The following SORBS2 variants were observed in gnomAD, a reference collection of about 807,000 sequenced individuals.
SORBS2 encodes sorbin and SH3 domain-containing protein 2.
Under a neutral mutation model 97.7 loss-of-function variants are expected in SORBS2, and 46 were observed. That is an observed-to-expected ratio of 0.47 (90% CI 0.37 to 0.60). The LOEUF (loss-of-function observed/expected upper bound fraction) is 0.60. SORBS2 is among the 20% of genes least tolerant of loss of function. The pLI, the probability that SORBS2 is intolerant of heterozygous loss-of-function variation, is 0.00. For missense variants in SORBS2, 1,316 were observed against 1,282.3 expected (o/e 1.03, Z -0.40); for synonymous variants, 476 against 473.4 (o/e 1.01, Z -0.07).
intron 1 of SORBS2, among the ~76,000 whole-genome samples, chr4:185,819,886 G>A (rs1450813279): frequency 6.6e-6 from 1 of 152,054 alleles, no homozygotes; most frequent in Non-Finnish European, 1.5e-5. Flanking sequence ...TAAATGGTGT[G>A]GATTCAAATA....
chr4:185,793,149 TG>T (rs1300433184), intron 1 of SORBS2, among the ~76,000 whole-genome samples: 1 of 152,254 alleles, frequency 6.6e-6, no homozygotes, highest in Non-Finnish European at 1.5e-5. Context: ...TACCATGTGA[TG>T]TGAAGACTCA....
intron 12 of SORBS2, among the ~76,000 whole-genome samples, chr4:185,608,484 A>T (rs1229893823): frequency 7.0e-6 from 1 of 143,048 alleles, no homozygotes; most frequent in African/African-American, 2.7e-5. Flanking sequence ...GGTATGAGTT[A>T]TGAAGCTTAA....
At position 185,604,199 on chromosome 4, in the gene SORBS2, A is replaced by C. The variant is rs1214530514; in HGVS notation, c.2796+7581T>G. On this transcript the variant is annotated intron_variant, in intron 12 of 14. Coordinates refer to ENST00000418609, the Ensembl canonical transcript of SORBS2. ...ATATGTCTTTTAAATGTTTGGATAG[A>C]GGCCACGCCCATGATGTTAAAAGTT... Among the ~76,000 whole-genome samples the C allele has an allele frequency of 2.0e-5, 3 of 152,260 alleles. No individual in the cohort carries two copies. In the South Asian group the frequency reaches 6.2e-4, roughly 32 times the overall value.
chr4:185,865,207 G>A (rs2099226158), intron 1 of SORBS2, among the ~76,000 whole-genome samples: 1 of 152,164 alleles, frequency 6.6e-6, no homozygotes, highest in Non-Finnish European at 1.5e-5. Context: ...GTTCACATAA[G>A]TTTAGTTATC....
chr4:185,747,581 C>T (rs1018245982), intron 2 of SORBS2, among the ~76,000 whole-genome samples: 9 of 152,200 alleles, frequency 5.9e-5, no homozygotes, highest in Non-Finnish European at 1.3e-4. Flanking sequence ...AGGACACCAC[C>T]GTCACTGGTC....
chr4:185,770,037 T>C (rs1360864039), intron 2 of SORBS2, among the ~76,000 whole-genome samples: 1 of 151,988 alleles, frequency 6.6e-6, no homozygotes, highest in Non-Finnish European at 1.5e-5. Flanking sequence ...TGACAGATCA[T>C]GAAGCGGGTC....
At chr4:185,611,198 C>A (rs905163262) in intron 12 of SORBS2, among the ~76,000 whole-genome samples, 1 of 152,020 alleles carries the variant, frequency 6.6e-6, no homozygotes, top group Non-Finnish European at 1.5e-5. Context: ...GACTTATAGA[C>A]TCTAATTAAA....
At chr4:185,906,691 C>T (rs1199749634) in intron 1 of SORBS2, among the ~76,000 whole-genome samples, 1 of 152,168 alleles carries the variant, frequency 6.6e-6, no homozygotes, top group Non-Finnish European at 1.5e-5. Flanking sequence ...ATACGTATCT[C>T]GGACTATATG....
In SORBS2 at chr4:185,656,521, G is replaced by A. The variant is rs1010787156; in HGVS notation, c.24+94C>T. 3 of 797,268 alleles carry A rather than the reference G, an allele frequency of 3.8e-6. No homozygotes were observed. In the Admixed American group the frequency reaches 7.8e-5, roughly 21 times the overall value. The allele number at this position is 797,268 out of a possible 1,614,324, so 49.4% of individuals were successfully genotyped here. A position where few individuals can be genotyped will look rare whatever the true frequency, so the allele number is the denominator to read the frequency against. ...CTTGGCTGCCCAGGTCTGCATTCCA[G>A]GGGAGCAGCTCTTGGCCACACCCCA... is the stretch of plus-strand genomic sequence containing the variant. On this transcript the variant is annotated intron_variant, in intron 1 of 14. Transcript: ENST00000418609.
intron 1 of SORBS2, among the ~76,000 whole-genome samples, chr4:185,822,480 C>G (rs2099197362): frequency 6.6e-6 from 1 of 152,218 alleles, no homozygotes; most frequent in African/African-American, 2.4e-5. Flanking sequence ...TTTTCACAGA[C>G]ATGCATATGA....
chr4:185,766,533 C>T lies in SORBS2; in HGVS notation c.-198+8694G>A, dbSNP rs1474471504. Among the ~76,000 whole-genome samples, 18 of 151,816 alleles carry T rather than the reference C, an allele frequency of 1.2e-4. No individual in the cohort carries two copies. In the East Asian group the frequency reaches 3.3e-3, roughly 28 times the overall value. ...TATATTCACATATTTTTGTAATTCA[C>T]AAAAAATATACCCATCTGTAACTTT... is the stretch of plus-strand genomic sequence containing the variant. On this transcript the variant is annotated intron_variant, in intron 2 of 20. Coordinates refer to the SORBS2 transcript ENST00000284776.
At chr4:185,747,787 C>T (rs573507425) in intron 2 of SORBS2, among the ~76,000 whole-genome samples, 22 of 152,250 alleles carry the variant, frequency 1.4e-4, no homozygotes, top group Admixed American at 3.3e-4. Context: ...ATCAGGAGCT[C>T]GAGACCAGCC....
intron 1 of SORBS2, 62 bp downstream of exon 1, chr4:185,811,602 C>G (rs1199186792): frequency 1.3e-5 from 2 of 152,190 alleles, no homozygotes; most frequent in Non-Finnish European, 1.5e-5. Context: ...GTAAATCTTT[C>G]AGGCTAAGTT....
At chr4:185,767,360 C>G (rs13146970) in intron 2 of SORBS2, among the ~76,000 whole-genome samples, 10,792 of 106,728 alleles carry the variant, frequency 0.1, 1,309 homozygotes, top group Middle Eastern at 0.18. Flanking sequence ...ATTAGCCGGG[C>G]GTGGTGGCGG....
At chr4:185,855,974 A>G (rs1423898651) in intron 1 of SORBS2, among the ~76,000 whole-genome samples, 1 of 152,218 alleles carries the variant, frequency 6.6e-6, no homozygotes, top group Non-Finnish European at 1.5e-5. Context: ...GATTCTCAGC[A>G]CATAGCACAA....
chr4:185,784,779 C>T (rs562762645), intron 1 of SORBS2, among the ~76,000 whole-genome samples: 1 of 152,290 alleles, frequency 6.6e-6, no homozygotes, highest in East Asian at 1.9e-4. Context: ...GAAAGAACTT[C>T]TGGGCATCAA....
chr4:185,666,080 A>T, intron 4 of SORBS2: 1 of 1,289,760 alleles, frequency 7.8e-7, no homozygotes, highest in Non-Finnish European at 1.0e-6. Context: ...CTGCCTGGTG[A>T]GAAAGTGGCT....
At chr4:185,668,759 A>G (rs2097660114) in intron 4 of SORBS2, among the ~76,000 whole-genome samples, 2 of 152,226 alleles carry the variant, frequency 1.3e-5, no homozygotes, top group South Asian at 2.1e-4. Flanking sequence ...TGGCAAGTAG[A>G]TGACTGCAGG....
chr4:185,834,925 G>A (rs1281958311), intron 1 of SORBS2, among the ~76,000 whole-genome samples: 1 of 152,100 alleles, frequency 6.6e-6, no homozygotes, highest in African/African-American at 2.4e-5. Flanking sequence ...CAAATCTCAT[G>A]TTGAATTGTA....
Sources: gnomAD v4.1 joint callset for allele counts (sites outside exome capture counted in the v4.1 genomes callset) on GRCh38, gnomAD v4.1.1 for gene constraint, MANE v1.5 for transcripts, NCBI Gene and HGNC (gene_info 2026-07-23, HGNC 2026-07-21) for gene names.